DST: variants seen among roughly 807,000 people sequenced by gnomAD.
DST encodes the protein dystonin.
DST carries 253 observed loss-of-function variants against 875.2 expected under a neutral mutation model. That is an observed-to-expected ratio of 0.29 (90% CI 0.26 to 0.32). The LOEUF is 0.32. Ranked by LOEUF, DST falls within the 10% of genes least tolerant of loss-of-function variation. The pLI is 1.00. For missense variants in DST, 8,287 were observed against 9,111.6 expected (o/e 0.91, Z 3.68); for synonymous variants, 3,124 against 3,197.1 (o/e 0.98, Z 0.77).
chr6:56,752,731 T>A (rs889512342), intron 4 of DST, among the ~76,000 whole-genome samples: 1 of 152,242 alleles, frequency 6.6e-6, no homozygotes, highest in African/African-American at 2.4e-5. Context: ...ACTAAGGCTG[T>A]TTGGACACTT....
In DST at chr6:56,627,268, T is replaced by C; in HGVS notation, c.4658A>G (p.Glu1553Gly). 6.2e-7 allele frequency: 1 copy of C among 1,612,576 alleles called. No individual in the cohort carries two copies. The highest frequency in any genetic ancestry group is 8.5e-7 in the Non-Finnish European group (1 of 1,179,062). ...CTCGTCCATTTTGCTCTGTTTCATT[T>C]CTATTTCGGACACCAGCATCTATAA... ...NQQKMLVSEI[E>G]MKQSKMDECQ... The change falls in exon 34 of 104, where the codon GAA becomes GGA. Residue 1553 changes from glutamate (E) to glycine (G), a missense_variant. By Grantham distance (98) the Glu-to-Gly change is moderately conservative (BLOSUM62 -2). Coordinates refer to ENST00000680361, the MANE Select transcript of DST (RefSeq NM_001374736.1).
chr6:56,541,877 C>G (rs765579911), intron 61 of DST, among the ~76,000 whole-genome samples: 3 of 152,212 alleles, frequency 2.0e-5, no homozygotes, highest in Non-Finnish European at 2.9e-5. Context: ...CCCGTTCACA[C>G]ACTCCAAAAC....
intron 50 of DST, among the ~76,000 whole-genome samples, chr6:56,575,401 A>G (rs1249446671): frequency 6.6e-6 from 1 of 152,182 alleles, no homozygotes; most frequent in Non-Finnish European, 1.5e-5. Flanking sequence ...TTGGAAACTC[A>G]CAAGAGCACA....
At chr6:56,573,591 A>G (rs2097812434) in intron 51 of DST, 88 bp downstream of exon 51, 1 of 976,436 alleles carries the variant, frequency 1.0e-6, no homozygotes, top group South Asian at 1.6e-5. Context: ...TGTGTCCTTA[A>G]GTTTATCTTA....
In DST at chr6:56,654,586, C is replaced by CTATATATATATATATATATATATA. The variant is rs138507484; in HGVS notation, c.1215-3343_1215-3342insTATATATATATATATATATATATA. On this transcript the variant is annotated intron_variant, in intron 10 of 103. Coordinates refer to ENST00000680361, the MANE Select transcript of DST (RefSeq NM_001374736.1). Reference sequence around the variant, plus strand: ...TCTTAAAAGAGCAATCTCCCCTAGGCTATATATATATATATATATCTCCAC... The same window carrying CTATATATATATATATATATATATA: ...TCTTAAAAGAGCAATCTCCCCTAGGCTATATATATATATATATATATATATATATATATATATATATATCTCCAC... 3.7e-3 allele frequency among the ~76,000 whole-genome samples: 493 copies of CTATATATATATATATATATATATA among 133,076 alleles called. 19 individuals are homozygous for CTATATATATATATATATATATATA. The highest frequency in any genetic ancestry group is 0.014 in the African/African-American group (397 of 28,830). The allele number at this position is 133,076 out of a possible 152,430, so 87.3% of individuals were successfully genotyped here. A position where few individuals can be genotyped will look rare whatever the true frequency, so the allele number is the denominator to read the frequency against.
In DST at chr6:56,605,776, TCAGAAGTTG is replaced by T; in HGVS notation, c.8843_8851del (p.Ser2948_Glu2951delinsTer). On this transcript the variant is annotated stop_gained and inframe_deletion, in exon 40 of 104. Coordinates refer to ENST00000680361, the MANE Select transcript of DST (RefSeq NM_001374736.1). LOFTEE classifies it high-confidence loss of function. ...TGTGTTTGCTAGATCAGTACCTAAT[TCAGAAGTTG>T]AACTGATATTATTATTATCATGTGA... The T allele has an allele frequency of 6.2e-7, 1 of 1,612,690 alleles. No individual in the cohort carries two copies. The highest frequency in any genetic ancestry group is 8.5e-7 in the Non-Finnish European group (1 of 1,179,290).
chr6:56,884,328 A>G lies in DST; in HGVS notation c.417+16093T>C, dbSNP rs141888460. On this transcript the variant is annotated intron_variant, in intron 3 of 103. Transcript: ENST00000680361. ...AGGGGTATTTGTTCTAGAGTTTCCC[A>G]CACCTCAACTTAGCTAAATCCTAAA... Among the ~76,000 whole-genome samples, 205 of 152,266 alleles carry G rather than the reference A, an allele frequency of 1.3e-3. 1 individual carries two copies. Among genetic ancestry groups the G allele is most frequent in the African/African-American group, 4.8e-3 (200 of 41,544 alleles).
Position 56,710,481 on chromosome 6 carries a change from T to G in DST, c.688-6112A>C, listed in dbSNP as rs2099358896. Among the ~76,000 whole-genome samples, 3 of 152,190 alleles carry G rather than the reference T, an allele frequency of 2.0e-5. No homozygotes were observed. The South Asian group carries it at 6.2e-4, about 31-fold the overall frequency. ...AAGGATAGTTTGCTTTAGTGAAAAT[T>G]ATAAATTAAAATATTTTTCAATGCA... On this transcript the variant is annotated intron_variant, in intron 5 of 103. Coordinates refer to ENST00000680361, the MANE Select transcript of DST (RefSeq NM_001374736.1).
rs1265720251 is a variant in DST, at chr6:56,709,628, C to T, written c.688-5259G>A. ...TGTTTAGCTGCAATTCAATTCAGGT[C>T]ACAAACTATTTATTGAGCATTCATC... On this transcript the variant is annotated intron_variant, in intron 5 of 103. Transcript: ENST00000680361. 2.6e-5 allele frequency among the ~76,000 whole-genome samples: 4 copies of T among 152,156 alleles called. No homozygotes were observed. In the East Asian group the frequency reaches 5.8e-4, roughly 22 times the overall value.
intron 4 of DST, among the ~76,000 whole-genome samples, chr6:56,761,124 G>A (rs2099616204): frequency 6.6e-6 from 1 of 152,246 alleles, no homozygotes; most frequent in Non-Finnish European, 1.5e-5. Context: ...AAACAGCACT[G>A]TGGAGAGGCC....
At chr6:56,735,978 C>A (rs577957974) in intron 4 of DST, among the ~76,000 whole-genome samples, 2 of 152,138 alleles carry the variant, frequency 1.3e-5, no homozygotes, top group African/African-American at 4.8e-5. Context: ...CCTGCGTCAG[C>A]CCCCAGAGTA....
intron 5 of DST, among the ~76,000 whole-genome samples, chr6:56,722,036 C>T (rs901031946): frequency 6.6e-6 from 1 of 151,924 alleles, no homozygotes; most frequent in African/African-American, 2.4e-5. Context: ...ATATAATTTT[C>T]ATATGGTACA....
chr6:56,618,629 T>C lies in DST; in HGVS notation c.4930-4145A>G, dbSNP rs1184753425. 32 of 1,614,070 alleles carry C rather than the reference T, an allele frequency of 2.0e-5. No homozygotes were observed. The highest frequency in any genetic ancestry group is 2.7e-5 in the Non-Finnish European group (32 of 1,180,050). On this transcript the variant is annotated intron_variant, in intron 36 of 103. Transcript: ENST00000680361. Reference sequence around the variant, plus strand: ...ATACTGTTGAAGCTGTCTTTCAAGTTCTTTAATGTTTGTTTCACAAAGCTT... The same window carrying C: ...ATACTGTTGAAGCTGTCTTTCAAGTCCTTTAATGTTTGTTTCACAAAGCTT...
chr6:56,843,710 G>GGTGGAGGGTGGAGGGTGGAGA (rs1403290645), intron 4 of DST: 1 of 359,430 alleles, frequency 2.8e-6, no homozygotes, highest in Non-Finnish European at 3.8e-6. Flanking sequence ...GAGGGAGGAG[G>GGTGGAGGGTGGAGGGTGGAGA]GTGGAGGGTG....
chr6:56,788,342 T>C (rs1020733837), intron 4 of DST, among the ~76,000 whole-genome samples: 3 of 151,678 alleles, frequency 2.0e-5, no homozygotes, highest in Admixed American at 1.3e-4. Context: ...GTTGGGACTA[T>C]AGGTGTGCAC....
At chr6:56,693,367 C>G in intron 9 of DST, 2 of 1,130,884 alleles carry the variant, frequency 1.8e-6, no homozygotes. Flanking sequence ...TCATTAGACA[C>G]TGTGGCTTAT....
intron 9 of DST, among the ~76,000 whole-genome samples, chr6:56,684,500 C>T (rs1342791714): frequency 1.3e-5 from 2 of 152,060 alleles, no homozygotes; most frequent in Non-Finnish European, 2.9e-5. Flanking sequence ...TTGGCGGATG[C>T]CCTCCTCTCA....
chr6:56,789,395 A>G (rs1281378560), intron 4 of DST, among the ~76,000 whole-genome samples: 4 of 152,188 alleles, frequency 2.6e-5, no homozygotes, highest in South Asian at 4.1e-4. Context: ...ACACACCTCT[A>G]TTATACAAAT....
intron 53 of DST, among the ~76,000 whole-genome samples, chr6:56,570,448 A>G (rs1337636609): frequency 1.3e-5 from 2 of 152,168 alleles, no homozygotes; most frequent in African/African-American, 4.8e-5. Context: ...TTAGATTCTC[A>G]TAAGGAGCAT....
Sources: gnomAD v4.1 joint callset for allele counts (sites outside exome capture counted in the v4.1 genomes callset) on GRCh38, gnomAD v4.1.1 for gene constraint, MANE v1.5 for transcripts, NCBI Gene and HGNC (gene_info 2026-07-23, HGNC 2026-07-21) for gene names.